DNAJB14: variants seen among roughly 807,000 people sequenced by gnomAD.
The protein encoded by DNAJB14 is DnaJ heat shock protein family (Hsp40) member B14, also known as dnaJ homolog subfamily B member 14.
In DNAJB14, 22 loss-of-function variants were observed where a neutral mutation model predicts 48.4. The observed-to-expected ratio is 0.45, with a 90% confidence interval of 0.32 to 0.65. The LOEUF is 0.65. DNAJB14 is among the 30% of genes least tolerant of loss of function. The pLI, the probability that DNAJB14 is intolerant of heterozygous loss-of-function variation, is 0.03. For synonymous variants in DNAJB14, 142 were observed against 158.7 expected, an observed-to-expected ratio of 0.89 and a Z score of 0.79; for missense variants, 319 against 458.8, an observed-to-expected ratio of 0.70 and a Z score of 2.78.
At chr4:99,904,569 A>G (rs1283203235) in intron 6 of DNAJB14, among the ~76,000 whole-genome samples, 2 of 152,158 alleles carry the variant, frequency 1.3e-5, no homozygotes, top group African/African-American at 4.8e-5. Context: ...AATATATGCA[A>G]ATATTACAAA....
At chr4:99,938,941 C>T (rs1419836636) in intron 1 of DNAJB14, among the ~76,000 whole-genome samples, 1 of 151,970 alleles carries the variant, frequency 6.6e-6, no homozygotes, top group African/African-American at 2.4e-5. Context: ...AACGATACCA[C>T]TGCATAACCA....
chr4:99,933,342 T>C (rs1726551609), intron 1 of DNAJB14, among the ~76,000 whole-genome samples: 1 of 135,876 alleles, frequency 7.4e-6, no homozygotes, highest in Non-Finnish European at 1.5e-5. Flanking sequence ...TGAGCCAGGC[T>C]GGAGTGCAGT....
At chr4:99,915,714 G>A (rs538775418) in intron 3 of DNAJB14, among the ~76,000 whole-genome samples, 6 of 152,088 alleles carry the variant, frequency 3.9e-5, no homozygotes, top group South Asian at 2.1e-4. Context: ...GTTGTTGAGC[G>A]GTATGTTGTA....
chr4:99,909,809 G>A (rs1578215816), intron 3 of DNAJB14, among the ~76,000 whole-genome samples: 2 of 151,110 alleles, frequency 1.3e-5, no homozygotes, highest in East Asian at 3.9e-4. Flanking sequence ...ATGTCATGCT[G>A]AAAAAAAAGA....
intron 3 of DNAJB14, among the ~76,000 whole-genome samples, chr4:99,915,303 AC>A: frequency 6.6e-6 from 1 of 151,994 alleles, no homozygotes; most frequent in East Asian, 1.9e-4. Context: ...ACGCCCGGCT[AC>A]TTTTTTGTAT....
At chr4:99,946,136 G>A (rs1224916761) in intron 1 of DNAJB14, among the ~76,000 whole-genome samples, 1 of 152,230 alleles carries the variant, frequency 6.6e-6, no homozygotes, top group Non-Finnish European at 1.5e-5. Flanking sequence ...GTGGTAAGAC[G>A]GGACCAGACA....
At chr4:99,935,838 C>A (rs77179528) in intron 1 of DNAJB14, among the ~76,000 whole-genome samples, 2 of 152,096 alleles carry the variant, frequency 1.3e-5, no homozygotes, top group African/African-American at 4.8e-5. Flanking sequence ...GAGGCTGAGG[C>A]GGAGGGATCA....
chr4:99,902,381 T>C (rs1725324341), intron 7 of DNAJB14, among the ~76,000 whole-genome samples: 1 of 150,048 alleles, frequency 6.7e-6, no homozygotes, highest in Non-Finnish European at 1.5e-5. Context: ...CAAACATCTC[T>C]AGGGATGGGT....
chr4:99,916,169 C>T (rs565518282), intron 3 of DNAJB14, among the ~76,000 whole-genome samples: 14 of 152,308 alleles, frequency 9.2e-5, no homozygotes, highest in Non-Finnish European at 1.2e-4. Flanking sequence ...AACAAGGTCT[C>T]GCTCTGTTAC....
chr4:99,927,331 T>A (rs1013579013), intron 2 of DNAJB14: 1 of 152,176 alleles, frequency 6.6e-6, no homozygotes, highest in Non-Finnish European at 1.5e-5. Flanking sequence ...TTAAATATAC[T>A]CCAAATTTAA....
intron 1 of DNAJB14, 63 bp from the exon 2 acceptor site, chr4:99,930,684 A>G (rs1726436224): frequency 1.3e-6 from 2 of 1,492,420 alleles, no homozygotes; most frequent in African/African-American, 1.4e-5. Flanking sequence ...GATCCTGAGA[A>G]GAAAGTTTTA....
At chr4:99,927,646 C>T (rs1726303678) in intron 2 of DNAJB14, 1 of 152,122 alleles carries the variant, frequency 6.6e-6, no homozygotes, top group Non-Finnish European at 1.5e-5. Context: ...AACAAATCGC[C>T]AAGTTTAACA....
At chr4:99,930,712 A>T in intron 1 of DNAJB14, 91 bp from the exon 2 acceptor site, 1 of 1,370,162 alleles carries the variant, frequency 7.3e-7, no homozygotes, top group African/African-American at 1.5e-5. Context: ...CAAATTATGA[A>T]GTGTGTTCTC....
chr4:99,911,593 A>G (rs1725662402), intron 3 of DNAJB14, among the ~76,000 whole-genome samples: 5 of 152,138 alleles, frequency 3.3e-5, no homozygotes, highest in Admixed American at 3.3e-4. Flanking sequence ...ATAAATGTGT[A>G]GTGATATCCC....
intron 1 of DNAJB14, among the ~76,000 whole-genome samples, chr4:99,941,437 T>C (rs1726887507): frequency 6.6e-6 from 1 of 152,188 alleles, no homozygotes; most frequent in South Asian, 2.1e-4. Flanking sequence ...AGTTTTTTCC[T>C]ATAGAAATAA....
chr4:99,911,798 C>A (rs942012081), intron 3 of DNAJB14, among the ~76,000 whole-genome samples: 1 of 152,124 alleles, frequency 6.6e-6, no homozygotes, highest in African/African-American at 2.4e-5. Context: ...AGATACCTGT[C>A]CTTTGTCAAA....
intron 5 of DNAJB14, chr4:99,906,261 AACATGCAT>A: frequency 8.3e-7 from 1 of 1,210,784 alleles, no homozygotes; most frequent in Non-Finnish European, 1.1e-6. Context: ...TTACCTTCAC[AACATGCAT>A]AGTGCAGGTG....
chr4:99,937,509 G>T lies in DNAJB14; in HGVS notation c.134-6888C>A, dbSNP rs559839638. Among the ~76,000 whole-genome samples the T allele has an allele frequency of 4.5e-4, 69 of 151,836 alleles. No individual in the cohort carries two copies. The South Asian group carries it at 5.4e-3, about 12-fold the overall frequency. On this transcript the variant is annotated intron_variant, in intron 1 of 7. Coordinates refer to ENST00000442697, the MANE Select transcript of DNAJB14 (RefSeq NM_001031723.4). Reference sequence around the variant, plus strand: ...GGATGCCAAGGTGGGCTGATCACTTGAGCCCAGGGAGTTCCAGACCTGCCT... The same window carrying T: ...GGATGCCAAGGTGGGCTGATCACTTTAGCCCAGGGAGTTCCAGACCTGCCT...
chr4:99,923,307 T>A, intron 2 of DNAJB14, 122 bp from the exon 3 acceptor site: 1 of 925,324 alleles, frequency 1.1e-6, no homozygotes, highest in Non-Finnish European at 1.5e-6. Context: ...CAAAATCTAA[T>A]GAAGGCTTAT....
Sources: gnomAD v4.1 joint callset for allele counts (sites outside exome capture counted in the v4.1 genomes callset) on GRCh38, gnomAD v4.1.1 for gene constraint, MANE v1.5 for transcripts, NCBI Gene and HGNC (gene_info 2026-07-23, HGNC 2026-07-21) for gene names.